Variants in EXOC1 observed in about 807,000 individuals in gnomAD.
The protein encoded by EXOC1 is SEC3-like 1.
EXOC1 carries 67 observed loss-of-function variants against 107.7 expected under a neutral mutation model. The ratio of observed to expected loss-of-function variants is 0.62; its 90% CI spans 0.51 to 0.76. EXOC1 has a LOEUF of 0.76. EXOC1 is among the 30% of genes least tolerant of loss of function. The pLI is 0.00. For missense variants in EXOC1, 833 were observed against 1,055.7 expected (o/e 0.79, Z 2.92); for synonymous variants, 348 against 353.5 (o/e 0.98, Z 0.17).
intron 11 of EXOC1, among the ~76,000 whole-genome samples, chr4:55,889,825 G>C (rs1724307305): frequency 6.6e-6 from 1 of 152,126 alleles, no homozygotes; most frequent in African/African-American, 2.4e-5. Flanking sequence ...ACAAAGTCAT[G>C]CTGGCTAATA....
At chr4:55,872,089 AT>A in intron 8 of EXOC1, 131 bp downstream of exon 8, 1 of 852,070 alleles carries the variant, frequency 1.2e-6, no homozygotes, top group South Asian at 1.9e-5. Context: ...TGATTTTAAG[AT>A]TTTGAAATAG....
At chr4:55,868,297 T>G in intron 4 of EXOC1, 39 bp from the exon 5 acceptor site, 2 of 1,550,332 alleles carry the variant, frequency 1.3e-6, no homozygotes, top group Non-Finnish European at 1.7e-6. Context: ...TCTTTTCTAC[T>G]TTTTTGACTA....
At chr4:55,862,953 T>C (rs1721609429) in intron 3 of EXOC1, among the ~76,000 whole-genome samples, 1 of 152,126 alleles carries the variant, frequency 6.6e-6, no homozygotes, top group Non-Finnish European at 1.5e-5. Flanking sequence ...CAGGCTGGAG[T>C]GCGGTGGCAC....
chr4:55,861,116 A>G (rs567697190), intron 3 of EXOC1, among the ~76,000 whole-genome samples: 4 of 152,308 alleles, frequency 2.6e-5, no homozygotes, highest in South Asian at 4.1e-4. Flanking sequence ...AGGACCACCT[A>G]TGTTCCTGAC....
intron 16 of EXOC1, among the ~76,000 whole-genome samples, chr4:55,897,387 T>C (rs971570138): frequency 6.6e-6 from 1 of 152,162 alleles, no homozygotes; most frequent in Non-Finnish European, 1.5e-5. Context: ...TGATGGGCTG[T>C]GATGTGTGTG....
At chr4:55,889,820 G>A (rs1313724353) in intron 11 of EXOC1, among the ~76,000 whole-genome samples, 1 of 152,174 alleles carries the variant, frequency 6.6e-6, no homozygotes, top group African/African-American at 2.4e-5. Context: ...GTATAACAAA[G>A]TCATGCTGGC....
chr4:55,885,177 A>G (rs1016022546), intron 10 of EXOC1, among the ~76,000 whole-genome samples: 3 of 152,044 alleles, frequency 2.0e-5, no homozygotes, highest in African/African-American at 4.8e-5. Flanking sequence ...TTCATTAAGT[A>G]TATTTGTCAC....
rs1172112447 is a variant in EXOC1 at position 55,904,631 on chromosome 4, A to G, written c.*136A>G. ...ATTAAATGTTAGATAAATGGGTAGTACCATACTACAAATATTTAAATGCAA... is the reference window on the plus strand; with the variant it reads ...ATTAAATGTTAGATAAATGGGTAGTGCCATACTACAAATATTTAAATGCAA... On this transcript the variant is annotated 3_prime_UTR_variant, in exon 19 of 19. Transcript: ENST00000381295. 1.3e-6 allele frequency: 1 copy of G among 795,198 alleles called. No individual in the cohort carries two copies. The highest frequency in any genetic ancestry group is 1.8e-6 in the Non-Finnish European group (1 of 555,986). 49.3% of individuals were successfully genotyped at this position (795,198 alleles called of 1,614,324 possible).
At position 55,896,791 on chromosome 4, in the gene EXOC1, T is replaced by C. The variant is rs543912877; in HGVS notation, c.2028T>C (p.Ala676=). 3 of 1,612,120 alleles carry C rather than the reference T, an allele frequency of 1.9e-6. No homozygotes were observed. Among genetic ancestry groups the C allele is most frequent in the Non-Finnish European group, 2.5e-6 (3 of 1,179,418 alleles). Residue 676 remains alanine (A), a synonymous_variant, in exon 16 of 19, where the codon GCT becomes GCC. Coordinates refer to ENST00000381295, the MANE Select transcript of EXOC1 (RefSeq NM_001024924.2). ...KSKVGILPFV[A]EFEEFAGLAE... ...AAGTTGGAATTCTTCCATTTGTTGCTGAATTTGAAGAATTTGCTGGACTTG... is the reference window on the plus strand; with the variant it reads ...AAGTTGGAATTCTTCCATTTGTTGCCGAATTTGAAGAATTTGCTGGACTTG...
At chr4:55,869,676 A>G (rs1305730555) in intron 5 of EXOC1, among the ~76,000 whole-genome samples, 1 of 152,170 alleles carries the variant, frequency 6.6e-6, no homozygotes, top group African/African-American at 2.4e-5. Context: ...GCAGATTCAA[A>G]CCCCAGCTCT....
chr4:55,898,232 G>A (rs1725470786), intron 16 of EXOC1, among the ~76,000 whole-genome samples: 1 of 152,102 alleles, frequency 6.6e-6, no homozygotes, highest in South Asian at 2.1e-4. Context: ...ACTCTAGCCT[G>A]GATGACAAAG....
At chr4:55,883,762 A>G in intron 9 of EXOC1, 61 bp from the exon 10 acceptor site, 3 of 1,077,150 alleles carry the variant, frequency 2.8e-6, no homozygotes, top group Non-Finnish European at 1.3e-6. Context: ...TGGGGAATTG[A>G]AAAATTGAAA....
chr4:55,868,211 C>T (rs1722126678), intron 4 of EXOC1, 125 bp from the exon 5 acceptor site: 2 of 560,034 alleles, frequency 3.6e-6, no homozygotes, highest in African/African-American at 1.9e-5. Flanking sequence ...TCATTTGAAT[C>T]ATTCTATCCT....
chr4:55,888,411 A>T (rs1012749908), intron 10 of EXOC1, among the ~76,000 whole-genome samples: 1 of 152,130 alleles, frequency 6.6e-6, no homozygotes, highest in African/African-American at 2.4e-5. Context: ...TTTGTTGGAT[A>T]TAGTATAAAA....
chr4:55,867,893 A>G (rs73238377), intron 4 of EXOC1, among the ~76,000 whole-genome samples: 8,178 of 152,322 alleles, frequency 0.054, 326 homozygotes, highest in Non-Finnish European at 0.083. Flanking sequence ...AACAAAAGTA[A>G]CAAAAGAAAA....
intron 16 of EXOC1, among the ~76,000 whole-genome samples, chr4:55,897,532 CAATT>C (rs1368372278): frequency 3.3e-5 from 5 of 152,048 alleles, no homozygotes; most frequent in African/African-American, 7.2e-5. Flanking sequence ...TCAGATCCCA[CAATT>C]AAGTTACAGA....
At chr4:55,869,202 CT>C (rs2110331840) in intron 5 of EXOC1, among the ~76,000 whole-genome samples, 1 of 150,312 alleles carries the variant, frequency 6.7e-6, no homozygotes, top group East Asian at 1.9e-4. Context: ...CACATCTCTA[CT>C]AAAAAAAAAA....
rs750472965 is a variant in EXOC1, at chr4:55,877,934, G to A, written c.1092G>A (p.Ser364=). The A allele has an allele frequency of 1.1e-5, 18 of 1,613,386 alleles. No homozygotes were observed. Among genetic ancestry groups the A allele is most frequent in the South Asian group, 3.3e-5 (3 of 91,026 alleles). The change falls in exon 9 of 19, where the codon TCG becomes TCA. Residue 364 remains serine, a synonymous_variant. Transcript: ENST00000381295. ...VFVQQGHDQS[S]TLAQHSVELT... ...CACTTTAGGGTCATGATCAGAGTTC[G>A]ACTCTTGCCCAACACTCTGTTGAAC...
At chr4:55,869,586 A>T (rs1441957749) in intron 5 of EXOC1, among the ~76,000 whole-genome samples, 2 of 152,216 alleles carry the variant, frequency 1.3e-5, no homozygotes, top group Non-Finnish European at 2.9e-5. Context: ...TTATATGAAT[A>T]GTCCAGGCTT....
Sources: allele counts gnomAD v4.1 joint callset (sites outside exome capture counted in the v4.1 genomes callset), GRCh38; gene constraint gnomAD v4.1.1; transcripts MANE v1.5; gene names NCBI Gene and HGNC (gene_info 2026-07-23, HGNC 2026-07-21).